The following SLC24A2 variants were observed in gnomAD, a reference collection of about 807,000 sequenced individuals.
SLC24A2 encodes solute carrier family 24 member 2.
In SLC24A2, 36 loss-of-function variants were observed where a neutral mutation model predicts 62.0. That is an observed-to-expected ratio of 0.58 (90% CI 0.44 to 0.77). The LOEUF (loss-of-function observed/expected upper bound fraction) is 0.77. SLC24A2 is among the 30% of genes least tolerant of loss of function. SLC24A2 has a pLI of 0.00. For synonymous variants in SLC24A2, 358 were observed against 294.0 expected (o/e 1.22, Z -2.23); for missense variants, 846 against 817.9 (o/e 1.03, Z -0.42).
the SLC24A2 span, among the ~76,000 whole-genome samples, chr9:19,899,149 A>C: frequency 1.3e-5 from 2 of 152,196 alleles, no homozygotes; most frequent in Non-Finnish European, 2.9e-5. Context: ...CTGTCTTCTA[A>C]GTCAAAGTCT....
At chr9:20,188,424 G>A in the SLC24A2 span, among the ~76,000 whole-genome samples, 1 of 152,192 alleles carries the variant, frequency 6.6e-6, no homozygotes, top group South Asian at 2.1e-4. Context: ...GGAGCCAAAG[G>A]TCCTGCATGA....
the SLC24A2 span, among the ~76,000 whole-genome samples, chr9:19,824,463 C>A: frequency 6.6e-6 from 1 of 152,152 alleles, no homozygotes; most frequent in Non-Finnish European, 1.5e-5. Context: ...ATCAAAACCA[C>A]AATGAGATAC....
At chr9:20,181,610 C>T in the SLC24A2 span, among the ~76,000 whole-genome samples, 1 of 152,192 alleles carries the variant, frequency 6.6e-6, no homozygotes, top group Non-Finnish European at 1.5e-5. Context: ...GGATCCCTTC[C>T]TTACACCTTA....
the SLC24A2 span, among the ~76,000 whole-genome samples, chr9:19,902,369 T>C: frequency 6.6e-6 from 1 of 152,200 alleles, no homozygotes; most frequent in African/African-American, 2.4e-5. Context: ...AAGGACATTT[T>C]AGACAAGGAG....
the SLC24A2 span, among the ~76,000 whole-genome samples, chr9:20,263,738 C>A: frequency 6.6e-6 from 1 of 151,748 alleles, no homozygotes; most frequent in Non-Finnish European, 1.5e-5. Flanking sequence ...AGTATGTGTT[C>A]CTTTTGGAAG....
At chr9:20,146,901 G>A in the SLC24A2 span, among the ~76,000 whole-genome samples, 11 of 151,984 alleles carry the variant, frequency 7.2e-5, no homozygotes, top group East Asian at 1.9e-4. Context: ...CTCCCACTGC[G>A]ACTCCACTAG....
At chr9:19,878,783 G>A in the SLC24A2 span, among the ~76,000 whole-genome samples, 1 of 152,208 alleles carries the variant, frequency 6.6e-6, no homozygotes, top group Non-Finnish European at 1.5e-5. Flanking sequence ...CTGTGGAACT[G>A]GAAGTCAATT....
At chr9:19,768,435 T>C (rs996782049) in intron 2 of SLC24A2, among the ~76,000 whole-genome samples, 4 of 152,148 alleles carry the variant, frequency 2.6e-5, no homozygotes, top group African/African-American at 7.2e-5. Context: ...TTCTTTGATA[T>C]AGTAGCCTCC....
chr9:20,152,561 A>C, the SLC24A2 span, among the ~76,000 whole-genome samples: 1 of 151,870 alleles, frequency 6.6e-6, no homozygotes, highest in Non-Finnish European at 1.5e-5. Context: ...TGGAGTGCTA[A>C]CCTTCTTGCC....
the SLC24A2 span, among the ~76,000 whole-genome samples, chr9:20,105,611 T>C: frequency 3.3e-5 from 5 of 151,806 alleles, no homozygotes; most frequent in African/African-American, 4.8e-5. Context: ...GGGTACATAA[T>C]GAAATGAAGG....
the SLC24A2 span, among the ~76,000 whole-genome samples, chr9:19,847,424 C>T: frequency 5.9e-5 from 9 of 152,140 alleles, no homozygotes; most frequent in Admixed American, 3.9e-4. Context: ...CAATGGTCAA[C>T]AAAACTCTCA....
At chr9:19,719,505 G>GGAGTGAGAGCTGAGGCTGGT (rs374448632) in intron 2 of SLC24A2, among the ~76,000 whole-genome samples, 1 of 152,158 alleles carries the variant, frequency 6.6e-6, no homozygotes, top group African/African-American at 2.4e-5. Context: ...CTGAGGCTGA[G>GGAGTGAGAGCTGAGGCTGGT]AAATGAGAGG....
At chr9:19,601,701 T>G (rs74436874) in intron 4 of SLC24A2, among the ~76,000 whole-genome samples, 1 of 152,238 alleles carries the variant, frequency 6.6e-6, no homozygotes, top group African/African-American at 2.4e-5. Context: ...TGATATAGCA[T>G]GAGGGTTGCA....
chr9:20,211,828 T>A, the SLC24A2 span, among the ~76,000 whole-genome samples: 1 of 152,144 alleles, frequency 6.6e-6, no homozygotes, highest in Non-Finnish European at 1.5e-5. Context: ...TATTTGTGTT[T>A]GTGTTTGTTT....
At chr9:19,960,383 T>C in the SLC24A2 span, among the ~76,000 whole-genome samples, 1 of 152,212 alleles carries the variant, frequency 6.6e-6, no homozygotes, top group East Asian at 1.9e-4. Context: ...GACCCACTTA[T>C]AATTGACTTC....
the SLC24A2 span, among the ~76,000 whole-genome samples, chr9:20,075,113 T>G: frequency 3.9e-5 from 6 of 152,240 alleles, no homozygotes; most frequent in African/African-American, 1.2e-4. Context: ...GTCACTACTT[T>G]GGCATTACTA....
intron 8 of SLC24A2, among the ~76,000 whole-genome samples, chr9:19,532,799 G>C (rs988114703): frequency 2.0e-5 from 3 of 152,196 alleles, no homozygotes; most frequent in East Asian, 1.9e-4. Context: ...ATGAATAATA[G>C]AAATTGCAAA....
chr9:20,287,504 G>C, the SLC24A2 span, among the ~76,000 whole-genome samples: 2 of 152,126 alleles, frequency 1.3e-5, no homozygotes, highest in South Asian at 2.1e-4. Flanking sequence ...AGAACAAAAG[G>C]GTTGGTAGCC....
At chr9:19,950,347 T>G in the SLC24A2 span, among the ~76,000 whole-genome samples, 14 of 152,236 alleles carry the variant, frequency 9.2e-5, no homozygotes, top group Non-Finnish European at 1.9e-4. Flanking sequence ...AGCTATTTGG[T>G]CTCTGATAAA....
Sources: allele counts gnomAD v4.1 joint callset (sites outside exome capture counted in the v4.1 genomes callset), GRCh38; gene constraint gnomAD v4.1.1; transcripts MANE v1.5; gene names NCBI Gene and HGNC (gene_info 2026-07-23, HGNC 2026-07-21).